Variants in PGS1 observed in about 807,000 individuals in gnomAD.
The protein encoded by PGS1 is phosphatidylglycerophosphate synthase 1, also known as CDP-diacylglycerol--glycerol-3-phosphate 3-phosphatidyltransferase, mitochondrial.
PGS1 carries 44 observed loss-of-function variants against 58.3 expected under a neutral mutation model. The observed-to-expected ratio is 0.75, with a 90% confidence interval of 0.59 to 0.97. PGS1 has a LOEUF of 0.97. Among genes scored for constraint, PGS1 ranks in the 50% least tolerant of loss-of-function variants. The pLI is 0.00. For synonymous variants in PGS1, 330 were observed against 311.0 expected (o/e 1.06, Z -0.64); for missense variants, 684 against 731.1 (o/e 0.94, Z 0.74).
chr17:78,406,376 G>A (rs757276790), intron 7 of PGS1, among the ~76,000 whole-genome samples: 2 of 152,176 alleles, frequency 1.3e-5, no homozygotes, highest in Non-Finnish European at 2.9e-5. Flanking sequence ...CACCTCTGTG[G>A]GGATTGAACC....
In PGS1 at chr17:78,392,633, T is replaced by C; in HGVS notation, c.301T>C (p.Ser101Pro). Reference protein sequence around the residue: ...GVSSSHVRVLSSPAEFFELMK... With the variant: ...GVSSSHVRVLPSPAEFFELMK... ...CTCCAGTTCTCACGTTAGGGTGCTT[T>C]CTTCCCCGGCAGAGTTTTTCGAGCT... Residue 101 changes from serine (S) to proline (P), a missense_variant, in exon 2 of 10, where the codon TCT becomes CCT. Transcript: ENST00000262764. 1 of 1,614,100 alleles carries C rather than the reference T, an allele frequency of 6.2e-7. No individual in the cohort carries two copies. The highest frequency in any genetic ancestry group is 8.5e-7 in the Non-Finnish European group (1 of 1,179,996).
rs1567922918 is a variant in PGS1, at chr17:78,378,714, C to T, written c.49C>T (p.Leu17=). ...GGCGGGACCCGTGTTCTGGAGGCGACTGCTGGGCCTCCTGCCTGGCCGCCC... is the reference window on the plus strand; with the variant it reads ...GGCGGGACCCGTGTTCTGGAGGCGATTGCTGGGCCTCCTGCCTGGCCGCCC... ...AAAGPVFWRR[L]LGLLPGRPGL... The change falls in exon 1 of 10, where the codon CTG becomes TTG. Residue 17 remains leucine, a synonymous_variant. Coordinates refer to ENST00000262764, the MANE Select transcript of PGS1 (RefSeq NM_024419.5). 1 of 1,520,030 alleles carries T rather than the reference C, an allele frequency of 6.6e-7. No individual in the cohort carries two copies. Among genetic ancestry groups the T allele is most frequent in the Non-Finnish European group, 8.8e-7 (1 of 1,140,408 alleles). The allele number at this position is 1,520,030 out of a possible 1,614,324, so 94.2% of individuals were successfully genotyped here.
chr17:78,394,246 A>G (rs2083055979), intron 2 of PGS1, among the ~76,000 whole-genome samples: 1 of 151,484 alleles, frequency 6.6e-6, no homozygotes, highest in South Asian at 2.1e-4. Flanking sequence ...ATGCTGAGAG[A>G]CAATAGGAAA....
At chr17:78,388,842 G>T (rs989673710) in intron 1 of PGS1, among the ~76,000 whole-genome samples, 4 of 152,048 alleles carry the variant, frequency 2.6e-5, no homozygotes, top group Admixed American at 6.6e-5. Context: ...TTTAATTTTA[G>T]CATCTTTTCT....
At position 78,378,728 on chromosome 17, in the gene PGS1, G is replaced by T. The variant is rs544668560; in HGVS notation, c.63G>T (p.Leu21=). Residue 21 remains leucine, a synonymous_variant, in exon 1 of 10, where the codon CTG becomes CTT. Coordinates refer to ENST00000262764, the MANE Select transcript of PGS1 (RefSeq NM_024419.5). ...PVFWRRLLGL[L]PGRPGLAALL... ...TCTGGAGGCGACTGCTGGGCCTCCTGCCTGGCCGCCCAGGGCTGGCCGCGC... is the reference window on the plus strand; with the variant it reads ...TCTGGAGGCGACTGCTGGGCCTCCTTCCTGGCCGCCCAGGGCTGGCCGCGC... The T allele has an allele frequency of 1.3e-6, 2 of 1,514,754 alleles. No individual in the cohort carries two copies. Among genetic ancestry groups the T allele is most frequent in the Admixed American group, 4.1e-5 (2 of 48,870 alleles). The allele number at this position is 1,514,754 out of a possible 1,614,324, so 93.8% of individuals were successfully genotyped here.
At chr17:78,407,361 C>T (rs1054591845) in intron 7 of PGS1, among the ~76,000 whole-genome samples, 2 of 152,202 alleles carry the variant, frequency 1.3e-5, no homozygotes, top group Non-Finnish European at 2.9e-5. Context: ...TAAGTCAGCA[C>T]CTCTTCAGGC....
At chr17:78,392,700 G>A (rs1334252315) in intron 2 of PGS1, 35 bp downstream of exon 2, 2 of 1,568,330 alleles carry the variant, frequency 1.3e-6, no homozygotes, top group Non-Finnish European at 1.7e-6. Context: ...GTTTGAGTTA[G>A]AGCTTTTGGG....
In PGS1 at chr17:78,378,882, C is replaced by T. The variant is rs555697275; in HGVS notation, c.143+74C>T. ...GGCCCCCCGGCGCTCAAACTCCCGG[C>T]CCCAGCGTCCTGGGCATCCGCAGCG... On this transcript the variant is annotated intron_variant, in intron 1 of 9. Transcript: ENST00000262764. 3.7e-3 allele frequency: 4,850 copies of T among 1,328,582 alleles called. 20 individuals carry two copies. The highest frequency in any genetic ancestry group is 4.2e-3 in the Non-Finnish European group (4,382 of 1,036,516). The allele number at this position is 1,328,582 out of a possible 1,614,324, so 82.3% of individuals were successfully genotyped here.
At position 78,424,185 on chromosome 17, in the gene PGS1, T is replaced by A. The variant is rs370086190; in HGVS notation, c.*135T>A. ...GGACAGTATGGCTGAGGGTCAGGTGTGCTGCCAGTAAGTGAGGGAGGGGCT... is the reference window on the plus strand; with the variant it reads ...GGACAGTATGGCTGAGGGTCAGGTGAGCTGCCAGTAAGTGAGGGAGGGGCT... On this transcript the variant is annotated 3_prime_UTR_variant, in exon 10 of 10. Transcript: ENST00000262764. 3 of 1,584,232 alleles carry A rather than the reference T, an allele frequency of 1.9e-6. No homozygotes were observed. Among genetic ancestry groups the A allele is most frequent in the Non-Finnish European group, 2.6e-6 (3 of 1,165,720 alleles).
chr17:78,420,649 C>G (rs1469879499), intron 9 of PGS1: 1 of 152,182 alleles, frequency 6.6e-6, no homozygotes, highest in African/African-American at 2.4e-5. Context: ...TGCCTGGCAC[C>G]TTAGTGCTCT....
intron 2 of PGS1, among the ~76,000 whole-genome samples, chr17:78,395,049 C>A (rs923956632): frequency 1.8e-4 from 26 of 144,826 alleles, no homozygotes; most frequent in Non-Finnish European, 1.1e-4. Flanking sequence ...CCTTTCCCTG[C>A]CATCTGGGCT....
chr17:78,423,952 G>A (rs1436441204), intron 9 of PGS1, 109 bp from the exon 10 acceptor site: 1 of 1,613,904 alleles, frequency 6.2e-7, no homozygotes, highest in Non-Finnish European at 8.5e-7. Flanking sequence ...CCACTTCGCT[G>A]CCTTCTCTTT....
chr17:78,399,404 G>T lies in PGS1; in HGVS notation c.568G>T (p.Val190Phe), dbSNP rs374382474. The T allele has an allele frequency of 6.2e-7, 1 of 1,614,128 alleles. No individual in the cohort carries two copies. Among genetic ancestry groups the T allele is most frequent in the Non-Finnish European group, 8.5e-7 (1 of 1,180,028 alleles). Residue 190 changes from valine (V) to phenylalanine (F), a missense_variant, in exon 5 of 10, where the codon GTC becomes TTC. Coordinates refer to ENST00000262764, the MANE Select transcript of PGS1 (RefSeq NM_024419.5). ...ACTCCTGCGGAGGTTCCCAGAGCAG[G>T]TCCGAGTCTCCCTCTTTCACACGCC... ...LPLLRRFPEQ[V>F]RVSLFHTPHL...
intron 2 of PGS1, among the ~76,000 whole-genome samples, chr17:78,393,764 A>G (rs2146147888): frequency 6.6e-6 from 1 of 152,284 alleles, no homozygotes; most frequent in Admixed American, 6.5e-5. Flanking sequence ...TCAGCTTTCA[A>G]CATGTTACTC....
intron 9 of PGS1, chr17:78,419,896 T>TAA (rs2085544839): frequency 7.8e-7 from 1 of 1,276,056 alleles, no homozygotes; most frequent in Non-Finnish European, 1.0e-6. Flanking sequence ...CCCACTCCAC[T>TAA]AAGTCCCAAG....
At chr17:78,423,961 T>C in intron 9 of PGS1, 100 bp from the exon 10 acceptor site, 1 of 1,613,962 alleles carries the variant, frequency 6.2e-7, no homozygotes, top group Non-Finnish European at 8.5e-7. Flanking sequence ...TGCCTTCTCT[T>C]TGGTCTTCAA....
intron 6 of PGS1, among the ~76,000 whole-genome samples, chr17:78,403,340 C>G (rs2083846170): frequency 6.6e-6 from 1 of 152,176 alleles, no homozygotes; most frequent in Admixed American, 6.5e-5. Flanking sequence ...ATGCCTTTCA[C>G]TTCTGCCTGA....
At chr17:78,393,040 G>A (rs1055516017) in intron 2 of PGS1, among the ~76,000 whole-genome samples, 9 of 149,044 alleles carry the variant, frequency 6.0e-5, no homozygotes, top group South Asian at 2.2e-4. Context: ...CACTGTGTGC[G>A]GCCACGGGCC....
At chr17:78,406,818 G>A (rs2084187732) in intron 7 of PGS1, among the ~76,000 whole-genome samples, 1 of 152,188 alleles carries the variant, frequency 6.6e-6, no homozygotes, top group Admixed American at 6.5e-5. Flanking sequence ...GCTAGGCGTC[G>A]CTCTCCTCAA....
Sources: gnomAD v4.1 joint callset for allele counts (sites outside exome capture counted in the v4.1 genomes callset) on GRCh38, gnomAD v4.1.1 for gene constraint, MANE v1.5 for transcripts, NCBI Gene and HGNC (gene_info 2026-07-23, HGNC 2026-07-21) for gene names.